Variants in MSI2 observed in about 807,000 individuals in gnomAD.
MSI2 encodes the protein RNA-binding protein Musashi homolog 2.
A neutral mutation model predicts 45.6 loss-of-function variants in MSI2; 17 were observed. That is an observed-to-expected ratio of 0.37 (90% confidence interval 0.26 to 0.56). The LOEUF (loss-of-function observed/expected upper bound fraction) is 0.56. Among genes scored for constraint, MSI2 ranks in the 20% least tolerant of loss-of-function variants. The probability of loss-of-function intolerance (pLI) is 0.77; values close to 1 mark genes in which losing one functional copy is unlikely to be tolerated. For synonymous variants in MSI2, 156 were observed against 158.2 expected, an observed-to-expected ratio of 0.99 and a Z score of 0.11; for missense variants, 293 against 444.2, an observed-to-expected ratio of 0.66 and a Z score of 3.06.
At chr17:57,414,101 G>T (rs2084248482) in intron 6 of MSI2, among the ~76,000 whole-genome samples, 1 of 149,912 alleles carries the variant, frequency 6.7e-6, no homozygotes, top group Admixed American at 6.6e-5. Context: ...ATTACAGATT[G>T]TGTCATCAAG....
intron 3 of MSI2, 113 bp downstream of exon 3, chr17:57,257,660 G>T (rs750046085): frequency 1.4e-4 from 101 of 731,394 alleles, no homozygotes; most frequent in Middle Eastern, 1.2e-3. Flanking sequence ...CAGGCGCGTG[G>T]CTGATCTCGA....
intron 6 of MSI2, among the ~76,000 whole-genome samples, chr17:57,463,446 C>A (rs2085269995): frequency 6.6e-6 from 1 of 152,198 alleles, no homozygotes; most frequent in African/African-American, 2.4e-5. Flanking sequence ...TACAGCCTCC[C>A]TCCCCATGGC....
chr17:57,405,162 C>T (rs981375052), intron 6 of MSI2, among the ~76,000 whole-genome samples: 1 of 152,282 alleles, frequency 6.6e-6, no homozygotes, highest in South Asian at 2.1e-4. Context: ...ATGGGTTGTT[C>T]CTTTGCTGGC....
chr17:57,676,752 C>G (rs1417546547), intron 12 of MSI2, among the ~76,000 whole-genome samples: 1 of 152,218 alleles, frequency 6.6e-6, no homozygotes. Context: ...CTGAATCTGG[C>G]TTTTGGTTTC....
At chr17:57,654,123 A>G (rs1391923702) in intron 11 of MSI2, among the ~76,000 whole-genome samples, 3 of 152,000 alleles carry the variant, frequency 2.0e-5, no homozygotes, top group Non-Finnish European at 4.4e-5. Flanking sequence ...TAAATCCTCA[A>G]CTCCGAGGTG....
chr17:57,549,460 C>T (rs980961344), intron 7 of MSI2, among the ~76,000 whole-genome samples: 1 of 152,164 alleles, frequency 6.6e-6, no homozygotes, highest in Non-Finnish European at 1.5e-5. Flanking sequence ...TACCATGACC[C>T]TGTTGTTGTG....
intron 6 of MSI2, among the ~76,000 whole-genome samples, chr17:57,507,221 CTCTCTGTGTGTG>C (rs1277954308): frequency 1.2e-4 from 7 of 58,532 alleles, no homozygotes; most frequent in South Asian, 6.2e-4. Context: ...TTGTCTTTGT[CTCTCTGTGTGTG>C]TGTGTGTGTG....
At chr17:57,338,963 C>T (rs1446939801) in intron 5 of MSI2, among the ~76,000 whole-genome samples, 1 of 152,166 alleles carries the variant, frequency 6.6e-6, no homozygotes, top group Non-Finnish European at 1.5e-5. Context: ...ATCAATTTGG[C>T]TTGTCAGGGG....
intron 5 of MSI2, among the ~76,000 whole-genome samples, chr17:57,378,221 A>T (rs2144008413): frequency 6.6e-6 from 1 of 152,146 alleles, no homozygotes; most frequent in Middle Eastern, 3.4e-3. Context: ...AGTATCTGGG[A>T]TTACAGGCAT....
intron 5 of MSI2, among the ~76,000 whole-genome samples, chr17:57,400,828 A>G (rs1411617714): frequency 6.6e-6 from 1 of 151,998 alleles, no homozygotes; most frequent in Non-Finnish European, 1.5e-5. Flanking sequence ...ATCAAGATGA[A>G]TCACAGGAAA....
chr17:57,405,270 A>G (rs1327035075), intron 6 of MSI2, among the ~76,000 whole-genome samples: 1 of 152,202 alleles, frequency 6.6e-6, no homozygotes, highest in Admixed American at 6.5e-5. Flanking sequence ...TGTTGCAGCT[A>G]CTCACTTCTG....
intron 5 of MSI2, chr17:57,266,113 G>A (rs1015820165): frequency 6.6e-6 from 1 of 152,220 alleles, no homozygotes; most frequent in Admixed American, 6.5e-5. Context: ...AACCTCATCT[G>A]TTGATGCAGG....
chr17:57,259,992 C>T (rs1056969585), intron 4 of MSI2: 2 of 152,126 alleles, frequency 1.3e-5, no homozygotes, highest in African/African-American at 4.8e-5. Context: ...GAGGCAGAAG[C>T]GGTTGGTTTA....
At chr17:57,553,609 A>G (rs2087357794) in intron 7 of MSI2, among the ~76,000 whole-genome samples, 1 of 152,180 alleles carries the variant, frequency 6.6e-6, no homozygotes, top group Non-Finnish European at 1.5e-5. Context: ...TTCTTTTGAA[A>G]TAGACTGGAA....
At chr17:57,277,648 T>C (rs1908991892) in intron 5 of MSI2, among the ~76,000 whole-genome samples, 1 of 152,182 alleles carries the variant, frequency 6.6e-6, no homozygotes, top group Non-Finnish European at 1.5e-5. Context: ...GCATAATAGT[T>C]TCCTAGCTGC....
At chr17:57,401,222 G>C (rs2083983627) in intron 5 of MSI2, among the ~76,000 whole-genome samples, 157 bp from the exon 6 acceptor site, 1 of 152,142 alleles carries the variant, frequency 6.6e-6, no homozygotes, top group African/African-American at 2.4e-5. Context: ...ACTGTCTCTA[G>C]CATCCTTAGA....
intron 8 of MSI2, chr17:57,600,858 A>G (rs1329527709): frequency 6.6e-6 from 1 of 152,190 alleles, no homozygotes; most frequent in Non-Finnish European, 1.5e-5. Context: ...CATGCATCTT[A>G]TTTCATTTGA....
chr17:57,365,570 A>C (rs792371), intron 5 of MSI2, among the ~76,000 whole-genome samples: 2,031 of 152,078 alleles, frequency 0.013, 45 homozygotes, highest in African/African-American at 0.046. Context: ...CTACTGGGAG[A>C]CATTAGGAGG....
At chr17:57,408,399 T>G (rs1249613036) in intron 6 of MSI2, among the ~76,000 whole-genome samples, 1 of 152,222 alleles carries the variant, frequency 6.6e-6, no homozygotes, top group Admixed American at 6.5e-5. Flanking sequence ...GCTAATCAAA[T>G]GCCATGTGCA....
Sources: allele counts gnomAD v4.1 joint callset (sites outside exome capture counted in the v4.1 genomes callset), GRCh38; gene constraint gnomAD v4.1.1; transcripts MANE v1.5; gene names NCBI Gene and HGNC (gene_info 2026-07-23, HGNC 2026-07-21).